The following RALYL variants were observed in gnomAD, a reference collection of about 807,000 sequenced individuals.
The protein encoded by RALYL is RALY RNA binding protein like.
A neutral mutation model predicts 35.1 loss-of-function variants in RALYL; 29 were observed. The observed-to-expected ratio is 0.83, with a 90% CI of 0.61 to 1.13. The LOEUF is 1.13. RALYL is among the 50% of genes most tolerant of loss of function. The pLI is 0.00. For missense variants in RALYL, 359 were observed against 360.4 expected (o/e 1.00, Z 0.03); for synonymous variants, 120 against 127.6 (o/e 0.94, Z 0.40).
At chr8:84,197,600 A>G (rs1328784420) in intron 1 of RALYL, among the ~76,000 whole-genome samples, 1 of 152,016 alleles carries the variant, frequency 6.6e-6, no homozygotes, top group Non-Finnish European at 1.5e-5. Flanking sequence ...ATCTCCATCC[A>G]TTGAGCTCCA....
intron 8 of RALYL, among the ~76,000 whole-genome samples, chr8:84,916,490 G>T (rs1382851715): frequency 1.3e-5 from 2 of 151,928 alleles, no homozygotes; most frequent in African/African-American, 4.8e-5. Context: ...TCTTGTGATG[G>T]TACATAAGTC....
At position 84,692,522 on chromosome 8, in the gene RALYL, T is replaced by C. The variant is rs570973070; in HGVS notation, c.257-82057T>C. Among the ~76,000 whole-genome samples, 4 of 152,156 alleles carry C rather than the reference T, an allele frequency of 2.6e-5. No homozygotes were observed. The South Asian group carries it at 8.3e-4, about 32-fold the overall frequency. On this transcript the variant is annotated intron_variant, in intron 2 of 8. Coordinates refer to ENST00000521268, the MANE Select transcript of RALYL (RefSeq NM_173848.7). ...GAAACCTGCAAAACCTGTTCATGGA[T>C]TTGAAGACCTAAATATCATTTCTCA...
intron 2 of RALYL, among the ~76,000 whole-genome samples, chr8:84,546,353 C>T (rs2060358630): frequency 6.6e-6 from 1 of 152,066 alleles, no homozygotes; most frequent in African/African-American, 2.4e-5. Flanking sequence ...CTGCTAGGCT[C>T]AACTGATCTG....
At chr8:84,730,902 G>T (rs1258340352) in intron 2 of RALYL, among the ~76,000 whole-genome samples, 1 of 152,096 alleles carries the variant, frequency 6.6e-6, no homozygotes, top group East Asian at 1.9e-4. Context: ...AAGAGATAAT[G>T]AAAAAATATG....
intron 1 of RALYL, among the ~76,000 whole-genome samples, chr8:84,429,361 T>A (rs1202434198): frequency 6.6e-6 from 1 of 152,198 alleles, no homozygotes; most frequent in Non-Finnish European, 1.5e-5. Context: ...AGATTTGACA[T>A]CTTTAAAAAC....
chr8:84,420,264 A>T (rs1426880664), intron 1 of RALYL, among the ~76,000 whole-genome samples: 3 of 152,144 alleles, frequency 2.0e-5, no homozygotes, highest in African/African-American at 4.8e-5. Context: ...GGTATTTCAT[A>T]GTGGTTTTGA....
At chr8:84,271,023 T>C (rs1336680424) in intron 1 of RALYL, among the ~76,000 whole-genome samples, 2 of 152,060 alleles carry the variant, frequency 1.3e-5, no homozygotes, top group Non-Finnish European at 2.9e-5. Context: ...TGGATTTTTT[T>C]AAGGACAAGA....
At chr8:84,482,503 A>T (rs1042465960) in intron 1 of RALYL, among the ~76,000 whole-genome samples, 2 of 152,010 alleles carry the variant, frequency 1.3e-5, no homozygotes, top group Admixed American at 6.6e-5. Context: ...TAGCCTCTCC[A>T]ATTTCACTCA....
At chr8:84,580,681 G>A (rs777849812) in intron 2 of RALYL, among the ~76,000 whole-genome samples, 5 of 152,010 alleles carry the variant, frequency 3.3e-5, no homozygotes, top group African/African-American at 7.3e-5. Context: ...TTCTCCTTTC[G>A]GGCTAAACAA....
intron 1 of RALYL, among the ~76,000 whole-genome samples, chr8:84,211,936 A>G (rs2131175909): frequency 6.6e-6 from 1 of 152,324 alleles, no homozygotes; most frequent in African/African-American, 2.4e-5. Flanking sequence ...ACATTGCACG[A>G]ATTGTATCGC....
At chr8:84,657,137 G>C (rs879904456) in intron 2 of RALYL, among the ~76,000 whole-genome samples, 1 of 152,150 alleles carries the variant, frequency 6.6e-6, no homozygotes, top group Non-Finnish European at 1.5e-5. Flanking sequence ...CTAGTGAATA[G>C]TAACAAATCC....
At chr8:84,715,135 T>G (rs1296406423) in intron 2 of RALYL, among the ~76,000 whole-genome samples, 2 of 151,894 alleles carry the variant, frequency 1.3e-5, no homozygotes, top group Admixed American at 6.6e-5. Context: ...TCATTAAAAC[T>G]TTGTTTTCAT....
intron 2 of RALYL, among the ~76,000 whole-genome samples, chr8:84,654,886 A>G (rs1408270163): frequency 6.6e-6 from 1 of 152,188 alleles, no homozygotes; most frequent in Non-Finnish European, 1.5e-5. Flanking sequence ...GTGCTGCAGT[A>G]AACAAGAGAA....
intron 2 of RALYL, among the ~76,000 whole-genome samples, chr8:84,564,203 T>C (rs2061636836): frequency 6.6e-6 from 1 of 151,738 alleles, no homozygotes; most frequent in Admixed American, 6.6e-5. Context: ...TATCATCTCT[T>C]GACATAAGTT....
Position 84,372,886 on chromosome 8 carries a change from G to GTTTTTTTTTTTTTTTTT in RALYL, c.-23-156400_-23-156384dup, listed in dbSNP as rs76885544. On this transcript the variant is annotated intron_variant, in intron 1 of 8. Transcript: ENST00000521268. ...TTTCTCCACAACCATGCCAGCATCTGTTTTTTTTTTTTTTTTTTTTTTTTT... is the reference window on the plus strand; with the variant it reads ...TTTCTCCACAACCATGCCAGCATCTGTTTTTTTTTTTTTTTTTTTTTTTTTTTTTTTTTTTTTTTTTT... Among the ~76,000 whole-genome samples, 65 of 39,076 alleles carry GTTTTTTTTTTTTTTTTT rather than the reference G, an allele frequency of 1.7e-3. 8 individuals carry two copies. Among genetic ancestry groups the GTTTTTTTTTTTTTTTTT allele is most frequent in the African/African-American group, 2.6e-3 (24 of 9,124 alleles). The allele number at this position is 39,076 out of a possible 152,430, so 25.6% of individuals were successfully genotyped here. A position where few individuals can be genotyped will look rare whatever the true frequency, so the allele number is the denominator to read the frequency against.
intron 2 of RALYL, among the ~76,000 whole-genome samples, chr8:84,637,799 C>T (rs1825390211): frequency 6.6e-6 from 1 of 151,790 alleles, no homozygotes; most frequent in African/African-American, 2.4e-5. Flanking sequence ...GGTCTCCATG[C>T]ATGGTCTGTT....
intron 2 of RALYL, 43 bp from the exon 3 acceptor site, chr8:84,774,536 T>C (rs1816363366): frequency 1.6e-6 from 2 of 1,270,802 alleles, no homozygotes; most frequent in Admixed American, 2.3e-5. Context: ...CTCAGATGGT[T>C]TCGTATTTTC....
chr8:84,283,871 T>A (rs1344213667), intron 1 of RALYL, among the ~76,000 whole-genome samples: 1 of 152,078 alleles, frequency 6.6e-6, no homozygotes, highest in Non-Finnish European at 1.5e-5. Context: ...GTCAGTGAAA[T>A]GGCTGATTCC....
At chr8:84,573,468 C>T (rs757649629) in intron 2 of RALYL, among the ~76,000 whole-genome samples, 6 of 151,778 alleles carry the variant, frequency 4.0e-5, no homozygotes, top group Non-Finnish European at 5.9e-5. Flanking sequence ...CCTCTGACTA[C>T]TTTCAAAATT....
Sources: allele counts gnomAD v4.1 joint callset (sites outside exome capture counted in the v4.1 genomes callset), GRCh38; gene constraint gnomAD v4.1.1; transcripts MANE v1.5; gene names NCBI Gene and HGNC (gene_info 2026-07-23, HGNC 2026-07-21).